The following DPF3 variants were observed in gnomAD, a reference collection of about 807,000 sequenced individuals.
The protein encoded by DPF3 is double PHD fingers 3.
A neutral mutation model predicts 56.8 loss-of-function variants in DPF3; 18 were observed. The observed-to-expected ratio is 0.32, with a 90% CI of 0.22 to 0.47. DPF3 has a LOEUF of 0.47. Ranked by LOEUF, DPF3 falls within the 20% of genes least tolerant of loss-of-function variation. The pLI, the probability that DPF3 is intolerant of heterozygous loss-of-function variation, is 1.00. For synonymous variants in DPF3, 188 were observed against 180.2 expected (o/e 1.04, Z -0.35); for missense variants, 403 against 488.8 (o/e 0.82, Z 1.65).
At chr14:72,853,073 T>TGTGTGTG in intron 1 of DPF3, among the ~76,000 whole-genome samples, 1 of 60,316 alleles carries the variant, frequency 1.7e-5, no homozygotes, top group Admixed American at 2.1e-4. Context: ...GTATGCATGC[T>TGTGTGTG]TGCTGAGGCA....
At chr14:72,855,776 G>A (rs1192930479) in intron 1 of DPF3, among the ~76,000 whole-genome samples, 7 of 152,158 alleles carry the variant, frequency 4.6e-5, no homozygotes, top group African/African-American at 9.7e-5. Context: ...CCAAAGCAAC[G>A]CTTCCAAACC....
chr14:72,832,553 C>A (rs1416886679), intron 1 of DPF3, among the ~76,000 whole-genome samples: 1 of 152,088 alleles, frequency 6.6e-6, no homozygotes, highest in Admixed American at 6.5e-5. Flanking sequence ...ACCATGTATC[C>A]TCTGTTGTTT....
At chr14:72,670,355 T>C in intron 8 of DPF3, 1 of 986,394 alleles carries the variant, frequency 1.0e-6, no homozygotes, top group South Asian at 4.7e-5. Context: ...ACAGCAGCTC[T>C]ACTGACGGAG....
rs1890654096 is a variant in DPF3 at position 72,753,282 on chromosome 14, G to C, written c.283C>G (p.Leu95Val). 6.2e-7 allele frequency: 1 copy of C among 1,613,570 alleles called. No homozygotes were observed. The highest frequency in any genetic ancestry group is 8.5e-7 in the Non-Finnish European group (1 of 1,179,828). ...LHPPEDPKLR[L>V]LEIKPEVELP... ...CACTGACCAGGTTTTATCTCCAGCA[G>C]CCGCAGTTTTGGATCTTCAGGTGGG... The change falls in exon 3 of 11, where the codon CTG becomes GTG. Residue 95 changes from leucine to valine, a missense_variant. Physicochemically the swap from Leu to Val is conservative, Grantham distance 32 (BLOSUM62 1). This residue lies in a region of DPF3 where 340 missense variants were observed against 374.3 expected (regional missense o/e 0.91). Coordinates refer to ENST00000556509, the MANE Select transcript of DPF3 (RefSeq NM_001280542.3).
chr14:72,734,217 G>A (rs183169472), intron 3 of DPF3, among the ~76,000 whole-genome samples: 1 of 152,322 alleles, frequency 6.6e-6, no homozygotes, highest in African/African-American at 2.4e-5. Context: ...ATTACGAATT[G>A]TCGTAAATGT....
chr14:72,863,461 C>G (rs1885535580), intron 1 of DPF3, among the ~76,000 whole-genome samples: 1 of 150,856 alleles, frequency 6.6e-6, no homozygotes, highest in South Asian at 2.1e-4. Flanking sequence ...TTTAAAAACT[C>G]CTTCTGAGGT....
At chr14:72,711,185 T>C (rs761857868) in intron 6 of DPF3, among the ~76,000 whole-genome samples, 2 of 152,182 alleles carry the variant, frequency 1.3e-5, no homozygotes, top group African/African-American at 2.4e-5. Flanking sequence ...AATATTTTCA[T>C]AAATAACTTG....
At chr14:72,764,236 C>T (rs1891172322) in intron 2 of DPF3, among the ~76,000 whole-genome samples, 1 of 152,104 alleles carries the variant, frequency 6.6e-6, no homozygotes, top group Non-Finnish European at 1.5e-5. Context: ...TCACTAATGG[C>T]CAATGATTTA....
intron 1 of DPF3, among the ~76,000 whole-genome samples, chr14:72,844,978 G>C (rs1181664351): frequency 1.3e-5 from 2 of 152,292 alleles, no homozygotes; most frequent in South Asian, 2.1e-4. Context: ...AAATTAGCCA[G>C]GCGTGGTGGC....
chr14:72,827,071 GATATCA>G (rs1883839117), intron 1 of DPF3, among the ~76,000 whole-genome samples: 1 of 150,292 alleles, frequency 6.7e-6, no homozygotes, highest in Non-Finnish European at 1.5e-5. Flanking sequence ...CACATTCACA[GATATCA>G]ATCGTAAAAG....
intron 7 of DPF3, among the ~76,000 whole-genome samples, chr14:72,683,114 G>T (rs898131429): frequency 1.3e-5 from 2 of 152,048 alleles, no homozygotes; most frequent in Non-Finnish European, 2.9e-5. Context: ...ATCACTTGAG[G>T]TCGGGAGTTC....
chr14:72,729,005 T>C (rs1477695184), intron 4 of DPF3, among the ~76,000 whole-genome samples: 2 of 152,010 alleles, frequency 1.3e-5, no homozygotes, highest in Non-Finnish European at 2.9e-5. Context: ...CCCAGCACTT[T>C]GGGAGGCCGA....
chr14:72,847,058 T>G (rs982175790), intron 1 of DPF3, among the ~76,000 whole-genome samples: 1 of 152,206 alleles, frequency 6.6e-6, no homozygotes, highest in Non-Finnish European at 1.5e-5. Flanking sequence ...ACATCCCACT[T>G]TGCATCCATG....
chr14:72,679,815 G>C (rs1887078299), intron 7 of DPF3, among the ~76,000 whole-genome samples: 3 of 152,250 alleles, frequency 2.0e-5, no homozygotes, highest in Non-Finnish European at 4.4e-5. Context: ...GAGAGGAAAG[G>C]AGGGAAAGCA....
chr14:72,662,563 T>G, intron 8 of DPF3: 2 of 985,216 alleles, frequency 2.0e-6, no homozygotes, highest in Non-Finnish European at 2.4e-6. Flanking sequence ...GAAAATATAA[T>G]GAAGATTTAA....
At chr14:72,810,756 C>T (rs886169617) in intron 1 of DPF3, among the ~76,000 whole-genome samples, 6 of 152,168 alleles carry the variant, frequency 3.9e-5, no homozygotes, top group African/African-American at 9.7e-5. Flanking sequence ...TTGACCTTCC[C>T]GATCCTGGAG....
intron 1 of DPF3, among the ~76,000 whole-genome samples, chr14:72,793,048 A>T (rs886223000): frequency 6.6e-6 from 1 of 152,140 alleles, no homozygotes; most frequent in Non-Finnish European, 1.5e-5. Flanking sequence ...CCCTTTAAAC[A>T]CTGAAAGTTC....
rs1400430951 is a variant in DPF3, at chr14:72,615,058, CA to C, written c.*4238del. Among the ~76,000 whole-genome samples the C allele has an allele frequency of 6.6e-6, 1 of 152,142 alleles. No homozygotes were observed. The highest frequency in any genetic ancestry group is 2.4e-5 in the African/African-American group (1 of 41,444). ...GTGGGAGTGTGAGCGTGGCTCTGGCCAGAGCCAACTTCTCCCTCGGGCTGAG... is the reference window on the plus strand; with the variant it reads ...GTGGGAGTGTGAGCGTGGCTCTGGCCGAGCCAACTTCTCCCTCGGGCTGAG... On this transcript the variant is annotated 3_prime_UTR_variant, in exon 11 of 11. Coordinates refer to ENST00000556509, the MANE Select transcript of DPF3 (RefSeq NM_001280542.3).
At chr14:72,681,294 G>A (rs1425345996) in intron 7 of DPF3, among the ~76,000 whole-genome samples, 1 of 152,164 alleles carries the variant, frequency 6.6e-6, no homozygotes, top group African/African-American at 2.4e-5. Context: ...CAGAAGAAGT[G>A]GGAAGGAGAA....
Sources: allele counts gnomAD v4.1 joint callset (sites outside exome capture counted in the v4.1 genomes callset), GRCh38; gene constraint gnomAD v4.1.1; regional missense constraint gnomAD v4.1.1; transcripts MANE v1.5; gene names NCBI Gene and HGNC (gene_info 2026-07-23, HGNC 2026-07-21).